Variants in ATP9A observed in about 807,000 individuals in gnomAD.
ATP9A encodes probable phospholipid-transporting ATPase IIA.
In ATP9A, 52 loss-of-function variants were observed where a neutral mutation model predicts 144.1. The observed-to-expected ratio is 0.36, with a 90% CI of 0.29 to 0.45. ATP9A has a LOEUF of 0.45. ATP9A is among the 20% of genes least tolerant of loss of function. The pLI is 1.00. For missense variants in ATP9A, 947 were observed against 1,392.7 expected, an observed-to-expected ratio of 0.68 and a Z score of 5.09; for synonymous variants, 582 against 557.4, an observed-to-expected ratio of 1.04 and a Z score of -0.62.
intron 6 of ATP9A, 102 bp from the exon 7 acceptor site, chr20:51,694,204 T>A (rs2077560879): frequency 1.3e-6 from 1 of 789,538 alleles, no homozygotes. Context: ...AGCCAACCAA[T>A]GGCCAGCGAC....
rs143502729 is a variant in ATP9A at position 51,613,883 on chromosome 20, A to T, written c.2416-51T>A. 5 of 1,520,218 alleles carry T rather than the reference A, an allele frequency of 3.3e-6. No individual in the cohort carries two copies. In the African/African-American group the frequency reaches 6.9e-5, roughly 21 times the overall value. 94.2% of individuals were successfully genotyped at this position (1,520,218 alleles called of 1,614,324 possible). ...ATCAGAAGCACAAGAGGTCAGGGCA[A>T]ACACATTTTCTTTCACTGAAAAAGC... On this transcript the variant is annotated intron_variant, in intron 22 of 27. Transcript: ENST00000338821.
chr20:51,744,016 A>AG (rs200371476), intron 1 of ATP9A, among the ~76,000 whole-genome samples: 3,471 of 152,126 alleles, frequency 0.023, 61 homozygotes, highest in Non-Finnish European at 0.036. Flanking sequence ...CAAAAAAAAA[A>AG]AAGTTATTTT....
intron 13 of ATP9A, among the ~76,000 whole-genome samples, chr20:51,665,839 C>T (rs891507343): frequency 1.6e-4 from 25 of 152,104 alleles, no homozygotes; most frequent in African/African-American, 6.0e-4. Flanking sequence ...TTACTGTTTA[C>T]TTGGCCTTGT....
intron 1 of ATP9A, among the ~76,000 whole-genome samples, chr20:51,740,355 AG>A: frequency 2.0e-5 from 3 of 150,504 alleles, no homozygotes; most frequent in Non-Finnish European, 4.4e-5. Context: ...ACCACGCCCC[AG>A]CCAACACAAA....
chr20:51,723,621 A>G (rs2077699336), intron 3 of ATP9A, among the ~76,000 whole-genome samples: 1 of 145,208 alleles, frequency 6.9e-6, no homozygotes, highest in South Asian at 2.3e-4. Flanking sequence ...GCTGGAGTAC[A>G]GTGGCGCTCA....
chr20:51,603,431 C>T (rs890567501), intron 27 of ATP9A, among the ~76,000 whole-genome samples: 1 of 152,116 alleles, frequency 6.6e-6, no homozygotes, highest in Non-Finnish European at 1.5e-5. Context: ...GAACCGTGCC[C>T]GTGTTGCAAG....
intron 18 of ATP9A, among the ~76,000 whole-genome samples, chr20:51,623,525 A>G (rs141982810): frequency 0.015 from 2,299 of 152,270 alleles, 25 homozygotes; most frequent in African/African-American, 0.028. Context: ...TTACGCCTAT[A>G]ATCCCAACAC....
rs555547835 is a variant in ATP9A, at chr20:51,625,465, G to A, written c.1846-103C>T. ...GGGCCACACCCGATCCCCACCACAC[G>A]GGGTGGGGGACCCCAGCAGGTGAGC... On this transcript the variant is annotated intron_variant, in intron 17 of 27. Coordinates refer to ENST00000338821, the MANE Select transcript of ATP9A (RefSeq NM_006045.3). 8.0e-5 allele frequency: 108 copies of A among 1,357,506 alleles called. 1 individual carries two copies. The African/African-American group carries it at 9.0e-4, about 11-fold the overall frequency. 84.1% of individuals were successfully genotyped at this position (1,357,506 alleles called of 1,614,324 possible). A position where few individuals can be genotyped will look rare whatever the true frequency, so the allele number is the denominator to read the frequency against.
In ATP9A at chr20:51,725,057, G is replaced by A. The variant is rs62226699; in HGVS notation, c.327+762C>T. On this transcript the variant is annotated intron_variant, in intron 3 of 27. Transcript: ENST00000338821. ...TCCAAAATGCTCCAGTGAGCATTTC[G>A]TTTGAGTCCCATGTTAGTGCTCAAA... Among the ~76,000 whole-genome samples the A allele has an allele frequency of 2.0e-4, 30 of 152,136 alleles. No individual in the cohort carries two copies. The East Asian group carries it at 5.0e-3, about 25-fold the overall frequency.
At position 51,604,980 on chromosome 20, in the gene ATP9A, C is replaced by T. The variant is rs553581125; in HGVS notation, c.2844G>A (p.Ser948=). The change falls in exon 27 of 28, where the codon TCG becomes TCA. Residue 948 remains serine, a synonymous_variant. Transcript: ENST00000338821. The part of the protein sequence containing the change: ...IMYGALLLFE[S]EFVHIVAISF... Reference sequence around the variant, plus strand: ...AGATGGCCACGATGTGCACGAACTCCGACTCAAACAGCAGCAGCGCCCCGT... The same window carrying T: ...AGATGGCCACGATGTGCACGAACTCTGACTCAAACAGCAGCAGCGCCCCGT... 14 of 1,612,754 alleles carry T rather than the reference C, an allele frequency of 8.7e-6. No individual in the cohort carries two copies. Among genetic ancestry groups the T allele is most frequent in the Admixed American group, 3.3e-5 (2 of 59,906 alleles).
chr20:51,619,699 T>C (rs1272057780), intron 19 of ATP9A, among the ~76,000 whole-genome samples: 1 of 150,560 alleles, frequency 6.6e-6, no homozygotes, highest in African/African-American at 2.4e-5. Context: ...AGAAACCCCA[T>C]CTCTACTAAA....
intron 12 of ATP9A, 24 bp downstream of exon 12, chr20:51,671,091 C>T (rs569628822): frequency 5.0e-6 from 8 of 1,608,420 alleles, no homozygotes; most frequent in African/African-American, 2.7e-5. Context: ...AGGAATCCTG[C>T]GCAGGTCCCA....
At chr20:51,691,464 G>A (rs926948680) in intron 7 of ATP9A, among the ~76,000 whole-genome samples, 6 of 152,096 alleles carry the variant, frequency 3.9e-5, no homozygotes, top group South Asian at 2.1e-4. Flanking sequence ...GCGAGACTCC[G>A]TCTCAAAAAA....
intron 1 of ATP9A, among the ~76,000 whole-genome samples, chr20:51,756,635 T>G (rs1302274796): frequency 6.6e-6 from 1 of 152,036 alleles, no homozygotes; most frequent in Non-Finnish European, 1.5e-5. Flanking sequence ...CCGGGCTGGA[T>G]GGAAAAGGGC....
chr20:51,697,832 G>A (rs1393990840), intron 4 of ATP9A, among the ~76,000 whole-genome samples: 1 of 152,046 alleles, frequency 6.6e-6, no homozygotes. Flanking sequence ...AAAGTACCGG[G>A]GGAAAAAAGT....
intron 9 of ATP9A, among the ~76,000 whole-genome samples, chr20:51,688,001 G>C (rs866208201): frequency 7.2e-5 from 11 of 152,192 alleles, no homozygotes; most frequent in African/African-American, 2.7e-4. Flanking sequence ...AGTAAGTTCT[G>C]TTTCTGGAGC....
chr20:51,621,287 T>C (rs910640346), intron 19 of ATP9A, among the ~76,000 whole-genome samples: 3 of 152,198 alleles, frequency 2.0e-5, no homozygotes, highest in Non-Finnish European at 4.4e-5. Flanking sequence ...GAACTGACTG[T>C]ACCTGCCTCT....
intron 7 of ATP9A, among the ~76,000 whole-genome samples, chr20:51,693,450 G>C (rs2077556842): frequency 6.6e-6 from 1 of 152,180 alleles, no homozygotes; most frequent in South Asian, 2.1e-4. Context: ...GGAAGGAGCT[G>C]AAGACGACAG....
Position 51,624,825 on chromosome 20 carries a change from G to T in ATP9A, c.2016+367C>A, listed in dbSNP as rs554008018. On this transcript the variant is annotated intron_variant, in intron 18 of 27. Coordinates refer to ENST00000338821, the MANE Select transcript of ATP9A (RefSeq NM_006045.3). ...GTTCAAAACCAGCCTGGCCAACATG[G>T]TGAAACCCTCTATCTACAAAAATAT... is the stretch of plus-strand genomic sequence containing the variant. Among the ~76,000 whole-genome samples, 238 of 152,102 alleles carry T rather than the reference G, an allele frequency of 1.6e-3. 1 individual carries two copies. Among genetic ancestry groups the T allele is most frequent in the African/African-American group, 5.4e-3 (224 of 41,476 alleles).
Sources: allele counts gnomAD v4.1 joint callset (sites outside exome capture counted in the v4.1 genomes callset), GRCh38; gene constraint gnomAD v4.1.1; transcripts MANE v1.5; gene names NCBI Gene and HGNC (gene_info 2026-07-23, HGNC 2026-07-21).